The following ELOVL7 variants were observed in gnomAD, a reference collection of about 807,000 sequenced individuals.
ELOVL7 encodes the protein very long chain fatty acid elongase 7.
A neutral mutation model predicts 35.7 loss-of-function variants in ELOVL7; 27 were observed. The observed-to-expected ratio is 0.76, with a 90% CI of 0.56 to 1.04. The LOEUF is 1.04. ELOVL7 is among the 50% of genes least tolerant of loss of function. ELOVL7 has a pLI of 0.00. For missense variants in ELOVL7, 327 were observed against 340.8 expected, an observed-to-expected ratio of 0.96 and a Z score of 0.32; for synonymous variants, 113 against 114.6, an observed-to-expected ratio of 0.99 and a Z score of 0.09.
chr5:60,836,714 G>T (rs532302636), intron 1 of ELOVL7, among the ~76,000 whole-genome samples: 1 of 151,914 alleles, frequency 6.6e-6, no homozygotes, highest in Non-Finnish European at 1.5e-5. Flanking sequence ...AATCACAAGC[G>T]TGCTATTAGG....
At chr5:60,784,058 A>T in intron 3 of ELOVL7, 2 of 945,310 alleles carry the variant, frequency 2.1e-6, no homozygotes, top group Non-Finnish European at 3.3e-6. Context: ...AGAGTGTCCC[A>T]GGGAGAGAGC....
chr5:60,809,576 G>A (rs989819894), intron 1 of ELOVL7, among the ~76,000 whole-genome samples: 2 of 152,214 alleles, frequency 1.3e-5, no homozygotes, highest in African/African-American at 4.8e-5. Flanking sequence ...TTATTTATAG[G>A]AGGAAGAAAG....
chr5:60,811,432 A>C (rs1745231065), intron 1 of ELOVL7, among the ~76,000 whole-genome samples: 1 of 152,128 alleles, frequency 6.6e-6, no homozygotes, highest in African/African-American at 2.4e-5. Flanking sequence ...CCTCTTTCCC[A>C]CTACATTTTG....
At chr5:60,789,660 G>C (rs1184312993) in intron 2 of ELOVL7, among the ~76,000 whole-genome samples, 1 of 152,142 alleles carries the variant, frequency 6.6e-6, no homozygotes, top group Non-Finnish European at 1.5e-5. Context: ...GGGCATATAT[G>C]CAAGTTTATT....
intron 1 of ELOVL7, among the ~76,000 whole-genome samples, chr5:60,806,109 A>G (rs749080356): frequency 1.3e-5 from 2 of 152,168 alleles, no homozygotes; most frequent in Non-Finnish European, 2.9e-5. Flanking sequence ...GGAAATTTAG[A>G]CACAGACATG....
chr5:60,842,578 C>T (rs571425099), intron 1 of ELOVL7, among the ~76,000 whole-genome samples: 1 of 151,554 alleles, frequency 6.6e-6, no homozygotes, highest in African/African-American at 2.4e-5. Context: ...AAAGAGGGAC[C>T]TGAGATTGAC....
intron 1 of ELOVL7, among the ~76,000 whole-genome samples, chr5:60,807,737 C>T (rs13184554): frequency 0.78 from 118,604 of 151,724 alleles, 46,604 homozygotes; most frequent in East Asian, 0.9. Flanking sequence ...CGGTGGTTCA[C>T]GCCTGTAATC....
intron 2 of ELOVL7, among the ~76,000 whole-genome samples, chr5:60,789,875 C>T (rs1467493623): frequency 2.6e-5 from 4 of 152,214 alleles, no homozygotes; most frequent in Non-Finnish European, 4.4e-5. Flanking sequence ...CAGTGGCTCA[C>T]GTCTGTAATC....
chr5:60,795,978 G>C, intron 2 of ELOVL7, among the ~76,000 whole-genome samples: 1 of 148,782 alleles, frequency 6.7e-6, no homozygotes, highest in Non-Finnish European at 1.5e-5. Flanking sequence ...GGAGCTCTAA[G>C]AACAAAGATC....
At chr5:60,769,615 T>C (rs1742451636) in intron 4 of ELOVL7, among the ~76,000 whole-genome samples, 2 of 152,182 alleles carry the variant, frequency 1.3e-5, no homozygotes, top group South Asian at 2.1e-4. Context: ...CAATAAACCA[T>C]GTGTTCGGAT....
At chr5:60,843,685 C>A (rs754637097) in intron 1 of ELOVL7, 1 of 152,392 alleles carries the variant, frequency 6.6e-6, no homozygotes, top group Non-Finnish European at 1.5e-5. Flanking sequence ...GGGAAAATGA[C>A]CTCCGCGTCC....
At chr5:60,755,322 C>T (rs1183580128) in intron 8 of ELOVL7, among the ~76,000 whole-genome samples, 2 of 152,240 alleles carry the variant, frequency 1.3e-5, no homozygotes, top group Non-Finnish European at 2.9e-5. Context: ...TAAAGCATCT[C>T]GGAGTCCTTA....
chr5:60,843,153 A>G (rs1747278713), intron 1 of ELOVL7, among the ~76,000 whole-genome samples: 1 of 152,142 alleles, frequency 6.6e-6, no homozygotes, highest in Non-Finnish European at 1.5e-5. Flanking sequence ...TCGTAGCAAG[A>G]GGGAAAAGAC....
chr5:60,755,090 G>A (rs1741457803), intron 8 of ELOVL7, among the ~76,000 whole-genome samples: 1 of 152,172 alleles, frequency 6.6e-6, no homozygotes, highest in African/African-American at 2.4e-5. Flanking sequence ...GAGCTGTGCA[G>A]TGCAGCAACC....
chr5:60,778,126 C>T (rs1743020009), intron 3 of ELOVL7, among the ~76,000 whole-genome samples: 1 of 152,200 alleles, frequency 6.6e-6, no homozygotes, highest in African/African-American at 2.4e-5. Flanking sequence ...TCTATTGGTT[C>T]CCCTCCTTGC....
chr5:60,786,707 G>A (rs1056807174), intron 3 of ELOVL7, among the ~76,000 whole-genome samples: 2 of 152,102 alleles, frequency 1.3e-5, no homozygotes, highest in African/African-American at 4.8e-5. Context: ...AGCACTTTGG[G>A]AGGCCAAGGC....
intron 3 of ELOVL7, among the ~76,000 whole-genome samples, chr5:60,779,506 C>A (rs535169509): frequency 6.6e-6 from 1 of 152,314 alleles, no homozygotes; most frequent in African/African-American, 2.4e-5. Flanking sequence ...GGGGCCTGCA[C>A]CCTCTGAAGC....
intron 1 of ELOVL7, among the ~76,000 whole-genome samples, chr5:60,838,541 C>T (rs112603350): frequency 0.013 from 2,006 of 152,302 alleles, 20 homozygotes; most frequent in Non-Finnish European, 0.022. Flanking sequence ...GTTGAGTGTG[C>T]AGCTTCTGAA....
At chr5:60,838,250 G>A (rs951567433) in intron 1 of ELOVL7, among the ~76,000 whole-genome samples, 4 of 151,926 alleles carry the variant, frequency 2.6e-5, no homozygotes, top group East Asian at 1.9e-4. Flanking sequence ...CTCCCTGATC[G>A]CACCTGCACT....
Sources: gnomAD v4.1 joint callset for allele counts (sites outside exome capture counted in the v4.1 genomes callset) on GRCh38, gnomAD v4.1.1 for gene constraint, MANE v1.5 for transcripts, NCBI Gene and HGNC (gene_info 2026-07-23, HGNC 2026-07-21) for gene names.